IQUB: variants seen among roughly 807,000 people sequenced by gnomAD.
IQUB encodes the protein IQ motif and ubiquitin-like domain-containing protein.
A neutral mutation model predicts 86.4 loss-of-function variants in IQUB; 86 were observed. That is an observed-to-expected ratio of 1.00 (90% CI 0.84 to 1.19). The LOEUF (loss-of-function observed/expected upper bound fraction) is 1.19, where lower values mean the gene tolerates loss of function less well. Ranked by LOEUF, IQUB falls within the 50% of genes most tolerant of loss-of-function variation. The pLI, the probability that IQUB is intolerant of heterozygous loss-of-function variation, is 0.00. For synonymous variants in IQUB, 289 were observed against 304.5 expected (o/e 0.95, Z 0.53); for missense variants, 946 against 916.9 (o/e 1.03, Z -0.41).
chr7:123,526,466 A>C (rs897082696), intron 1 of IQUB, among the ~76,000 whole-genome samples: 6 of 152,200 alleles, frequency 3.9e-5, no homozygotes, highest in East Asian at 3.9e-4. Context: ...CCTTCTTTGT[A>C]TCTTTTGATC....
At chr7:123,471,880 G>A (rs1794538258) in intron 8 of IQUB, among the ~76,000 whole-genome samples, 1 of 152,040 alleles carries the variant, frequency 6.6e-6, no homozygotes, top group South Asian at 2.1e-4. Flanking sequence ...ATGAAATTTG[G>A]ATCCAAATTA....
chr7:123,526,512 G>A (rs1379956971), intron 1 of IQUB, among the ~76,000 whole-genome samples: 1 of 151,970 alleles, frequency 6.6e-6, no homozygotes. Context: ...CAGAGACTAG[G>A]ATTGCAACCC....
chr7:123,477,070 A>G (rs1302028570), intron 8 of IQUB, among the ~76,000 whole-genome samples: 1 of 152,208 alleles, frequency 6.6e-6, no homozygotes, highest in East Asian at 1.9e-4. Flanking sequence ...CTTTCTTCAC[A>G]GAATTGGAAA....
At chr7:123,465,789 C>T (rs563376104) in intron 9 of IQUB, among the ~76,000 whole-genome samples, 9 of 151,982 alleles carry the variant, frequency 5.9e-5, no homozygotes, top group African/African-American at 1.7e-4. Flanking sequence ...GACCTGGAGG[C>T]ACTTTAGAAG....
chr7:123,504,178 G>A (rs1796075016), intron 3 of IQUB, among the ~76,000 whole-genome samples: 3 of 152,086 alleles, frequency 2.0e-5, no homozygotes, highest in Admixed American at 2.0e-4. Flanking sequence ...GGCCACACAT[G>A]GCGGTTCATG....
At chr7:123,456,275 C>T (rs946674862) in intron 12 of IQUB, among the ~76,000 whole-genome samples, 1 of 152,000 alleles carries the variant, frequency 6.6e-6, no homozygotes, top group African/African-American at 2.4e-5. Flanking sequence ...TGAAGAAGCA[C>T]TGGAATATCA....
intron 10 of IQUB, 85 bp from the exon 11 acceptor site, chr7:123,461,690 G>T: frequency 8.6e-7 from 1 of 1,156,732 alleles, no homozygotes; most frequent in Non-Finnish European, 1.1e-6. Flanking sequence ...AGCATCAAAG[G>T]CTAACTTACT....
intron 1 of IQUB, among the ~76,000 whole-genome samples, chr7:123,517,320 AG>A (rs1796681372): frequency 6.6e-6 from 1 of 151,974 alleles, no homozygotes; most frequent in African/African-American, 2.4e-5. Context: ...TCACGAGGTC[AG>A]GAGATCGAGA....
chr7:123,530,225 C>G (rs527554603), intron 1 of IQUB, among the ~76,000 whole-genome samples: 1 of 151,732 alleles, frequency 6.6e-6, no homozygotes, highest in African/African-American at 2.4e-5. Context: ...CAGTGGCTCA[C>G]GCCTGATCGA....
intron 2 of IQUB, 101 bp downstream of exon 2, chr7:123,511,843 T>C (rs955757528): frequency 1.2e-6 from 1 of 866,524 alleles, no homozygotes; most frequent in African/African-American, 1.7e-5. Context: ...GAAAGGAATA[T>C]CAAATATAAA....
rs763289501 is a variant in IQUB, at chr7:123,503,190, C to T, written c.694+12G>A. ...CAAAAATACTTTATCTAAAAGACAT[C>T]AAATAACGAACCAGTTTGGACAGTG... On this transcript the variant is annotated intron_variant, in intron 4 of 12. Coordinates refer to ENST00000324698, the MANE Select transcript of IQUB (RefSeq NM_178827.5). 15 of 1,608,330 alleles carry T rather than the reference C, an allele frequency of 9.3e-6. No individual in the cohort carries two copies. The highest frequency in any genetic ancestry group is 1.3e-5 in the African/African-American group (1 of 74,522).
chr7:123,530,624 TC>T (rs1194815884), intron 1 of IQUB, among the ~76,000 whole-genome samples: 1 of 152,038 alleles, frequency 6.6e-6, no homozygotes, highest in East Asian at 1.9e-4. Flanking sequence ...GTAATCCATT[TC>T]TACCCATTTT....
chr7:123,489,139 T>C (rs1330441482), intron 7 of IQUB, among the ~76,000 whole-genome samples: 3 of 152,242 alleles, frequency 2.0e-5, no homozygotes, highest in Admixed American at 6.5e-5. Flanking sequence ...GATGCGGACC[T>C]ATGTATAACA....
intron 3 of IQUB, among the ~76,000 whole-genome samples, chr7:123,504,040 C>G (rs1796065831): frequency 6.6e-6 from 1 of 152,142 alleles, no homozygotes; most frequent in Non-Finnish European, 1.5e-5. Context: ...ACTGTAAGTA[C>G]AGGACATACC....
At chr7:123,525,667 A>G (rs1371760672) in intron 1 of IQUB, among the ~76,000 whole-genome samples, 3 of 151,974 alleles carry the variant, frequency 2.0e-5, no homozygotes, top group South Asian at 4.2e-4. Flanking sequence ...TGGATTCATT[A>G]ATTTTTTGAA....
intron 1 of IQUB, among the ~76,000 whole-genome samples, chr7:123,529,009 T>C (rs1270527122): frequency 2.6e-5 from 4 of 152,178 alleles, no homozygotes; most frequent in Admixed American, 1.3e-4. Flanking sequence ...CCAACCCAGT[T>C]TGGAAAGCTA....
rs1399543873 is a variant in IQUB, at chr7:123,507,484, TCA to T, written c.532+2415_532+2416del. 2.0e-5 allele frequency among the ~76,000 whole-genome samples: 3 copies of T among 152,288 alleles called. No homozygotes were observed. In the East Asian group the frequency reaches 5.8e-4, roughly 29 times the overall value. ...ACAGGTTTACTGGGACATAACCCAA[TCA>T]CAAATTGAGGAGCATCTGTAGTCTA... On this transcript the variant is annotated intron_variant, in intron 3 of 12. Transcript: ENST00000324698.
intron 10 of IQUB, among the ~76,000 whole-genome samples, chr7:123,463,464 A>T (rs1794096509): frequency 6.6e-6 from 1 of 151,896 alleles, no homozygotes; most frequent in Non-Finnish European, 1.5e-5. Flanking sequence ...TATAAAAACA[A>T]ACCACTGACA....
chr7:123,459,274 T>TTGA (rs1235764862), intron 11 of IQUB, among the ~76,000 whole-genome samples: 2 of 152,018 alleles, frequency 1.3e-5, no homozygotes, highest in Non-Finnish European at 2.9e-5. Context: ...TTACATCAAC[T>TTGA]TGATGATGCC....
Sources: allele counts gnomAD v4.1 joint callset (sites outside exome capture counted in the v4.1 genomes callset), GRCh38; gene constraint gnomAD v4.1.1; transcripts MANE v1.5; gene names NCBI Gene and HGNC (gene_info 2026-07-23, HGNC 2026-07-21).